The following PUS7L variants were observed in gnomAD, a reference collection of about 807,000 sequenced individuals.
The protein encoded by PUS7L is pseudouridylate synthase PUS7L.
Under a neutral mutation model 51.1 loss-of-function variants are expected in PUS7L, and 49 were observed. The observed-to-expected ratio is 0.96, with a 90% CI of 0.76 to 1.22. The LOEUF is 1.22. PUS7L is among the 50% of genes most tolerant of loss of function. The probability of loss-of-function intolerance (pLI) is 0.00; values close to 1 mark genes in which losing one functional copy is unlikely to be tolerated. For synonymous variants in PUS7L, 277 were observed against 276.2 expected, an observed-to-expected ratio of 1.00 and a Z score of -0.03; for missense variants, 828 against 820.6, an observed-to-expected ratio of 1.01 and a Z score of -0.11.
Position 43,721,773 on chromosome 12 carries a change from T to C in PUS7L, c.*8603A>G, listed in dbSNP as rs1944399916. On this transcript the variant is annotated 3_prime_UTR_variant, in exon 9 of 9. Coordinates refer to ENST00000344862, the MANE Select transcript of PUS7L (RefSeq NM_031292.5). ...GAATGGGAGGTTGAGGTGTATAACA[T>C]GGGAACATTTGCTATTAGGCTGAGC... 1.3e-5 allele frequency: 2 copies of C among 152,172 alleles called. No individual in the cohort carries two copies. 9.4% of individuals were successfully genotyped at this position (152,172 alleles called of 1,614,324 possible).
At position 43,721,745 on chromosome 12, in the gene PUS7L, T is replaced by C. The variant is rs1253804869; in HGVS notation, c.*8631A>G. 1 of 152,138 alleles carries C rather than the reference T, an allele frequency of 6.6e-6. No individual in the cohort carries two copies. The highest frequency in any genetic ancestry group is 2.4e-5 in the African/African-American group (1 of 41,444). 9.4% of individuals were successfully genotyped at this position (152,138 alleles called of 1,614,324 possible). Reference sequence around the variant, plus strand: ...ATATAAGCAGAGATGTTCCAGCCAATGGGAATGGGAGGTTGAGGTGTATAA... The same window carrying C: ...ATATAAGCAGAGATGTTCCAGCCAACGGGAATGGGAGGTTGAGGTGTATAA... On this transcript the variant is annotated 3_prime_UTR_variant, in exon 9 of 9. Transcript: ENST00000344862.
Position 43,746,220 on chromosome 12 carries a change from T to C in PUS7L, c.1089A>G (p.Lys363=), listed in dbSNP as rs770166693. ...VTPERLKNIE[K]EIEKKRMNVF... ...CATTCATTCTTTTCTTTTCAATTTC[T>C]TTTTCAATATTTTTCAACCTGTAAG... The change falls in exon 4 of 9, where the codon AAA becomes AAG. Residue 363 remains lysine (K), a synonymous_variant. Transcript: ENST00000344862. 5.5e-6 allele frequency: 7 copies of C among 1,279,882 alleles called. No homozygotes were observed. The East Asian group carries it at 9.8e-5, about 18-fold the overall frequency. 79.3% of individuals were successfully genotyped at this position (1,279,882 alleles called of 1,614,324 possible). A position where few individuals can be genotyped will look rare whatever the true frequency, so the allele number is the denominator to read the frequency against.
chr12:43,727,525 C>G lies in PUS7L; in HGVS notation c.*2851G>C, dbSNP rs1024780272. The G allele has an allele frequency of 6.6e-6, 1 of 152,136 alleles. No individual in the cohort carries two copies. The highest frequency in any genetic ancestry group is 2.4e-5 in the African/African-American group (1 of 41,430). 9.4% of individuals were successfully genotyped at this position (152,136 alleles called of 1,614,324 possible). A position where few individuals can be genotyped will look rare whatever the true frequency, so the allele number is the denominator to read the frequency against. Reference sequence around the variant, plus strand: ...GTCATAAAAAAGAACAAAATAATGTCTTTCCAGCAACATGGATGTAGCTGG... The same window carrying G: ...GTCATAAAAAAGAACAAAATAATGTGTTTCCAGCAACATGGATGTAGCTGG... On this transcript the variant is annotated 3_prime_UTR_variant, in exon 9 of 9. Coordinates refer to ENST00000344862, the MANE Select transcript of PUS7L (RefSeq NM_031292.5).
rs1944479304 is a variant in PUS7L, at chr12:43,728,110, C to G, written c.*2266G>C. 1 of 150,922 alleles carries G rather than the reference C, an allele frequency of 6.6e-6. No homozygotes were observed. The highest frequency in any genetic ancestry group is 2.1e-4 in the South Asian group (1 of 4,808). 9.3% of individuals were successfully genotyped at this position (150,922 alleles called of 1,614,324 possible). A position where few individuals can be genotyped will look rare whatever the true frequency, so the allele number is the denominator to read the frequency against. On this transcript the variant is annotated 3_prime_UTR_variant, in exon 9 of 9. Coordinates refer to ENST00000344862, the MANE Select transcript of PUS7L (RefSeq NM_031292.5). ...CTTATGAAGGTCTGAAATGCCCCAG[C>G]AAAACTGCAAAAACCTAAGTGACTA...
rs530608975 is a variant in PUS7L at position 43,720,292 on chromosome 12, T to G, written c.*10084A>C. On this transcript the variant is annotated 3_prime_UTR_variant, in exon 9 of 9. Transcript: ENST00000344862. ...TGAGGTCAGGAGTTTGAGACCAGCA[T>G]GGCCAACATGGTGAAATCCCATCTC... is the stretch of plus-strand genomic sequence containing the variant. 6.6e-6 allele frequency: 1 copy of G among 152,360 alleles called. No individual in the cohort carries two copies. The highest frequency in any genetic ancestry group is 2.4e-5 in the African/African-American group (1 of 41,584). The allele number at this position is 152,360 out of a possible 1,614,324, so 9.4% of individuals were successfully genotyped here. A position where few individuals can be genotyped will look rare whatever the true frequency, so the allele number is the denominator to read the frequency against.
At chr12:43,750,725 GA>G (rs1938401312) in intron 2 of PUS7L, among the ~76,000 whole-genome samples, 1 of 152,062 alleles carries the variant, frequency 6.6e-6, no homozygotes. Flanking sequence ...TAATCTAAAA[GA>G]AAAGAAAAAC....
rs1261584214 is a variant in PUS7L at position 43,727,882 on chromosome 12, G to A, written c.*2494C>T. On this transcript the variant is annotated 3_prime_UTR_variant, in exon 9 of 9. Transcript: ENST00000344862. ...AAATAAAGCAAAACTTTGGAAATGG[G>A]GCTATAGAAGGTCAGCAAAGGGTAG... 1.3e-5 allele frequency: 2 copies of A among 152,092 alleles called. No homozygotes were observed. The highest frequency in any genetic ancestry group is 2.1e-4 in the South Asian group (1 of 4,822). 9.4% of individuals were successfully genotyped at this position (152,092 alleles called of 1,614,324 possible). A position where few individuals can be genotyped will look rare whatever the true frequency, so the allele number is the denominator to read the frequency against.
chr12:43,730,398 T>C lies in PUS7L; in HGVS notation c.2084A>G (p.Glu695Gly). ...ASCYATVCLKEIMKHDV is the reference protein window; with the variant it reads ...ASCYATVCLKGIMKHDV ...GTTTTAAACGTCATGCTTCATTATT[T>C]CCTTCAGACAAACGGTAGCATAGCA... The change falls in exon 9 of 9, where the codon GAA becomes GGA. Residue 695 changes from glutamate (E) to glycine (G), a missense_variant. Coordinates refer to ENST00000344862, the MANE Select transcript of PUS7L (RefSeq NM_031292.5). The C allele has an allele frequency of 6.2e-7, 1 of 1,613,478 alleles. No homozygotes were observed. The highest frequency in any genetic ancestry group is 8.5e-7 in the Non-Finnish European group (1 of 1,179,602).
intron 2 of PUS7L, among the ~76,000 whole-genome samples, chr12:43,751,264 T>A (rs973799664): frequency 3.3e-5 from 5 of 151,950 alleles, no homozygotes; most frequent in African/African-American, 1.2e-4. Flanking sequence ...TTGTTACATA[T>A]GTATACATGT....
chr12:43,743,915 A>G (rs1938037551), intron 4 of PUS7L, among the ~76,000 whole-genome samples: 1 of 152,248 alleles, frequency 6.6e-6, no homozygotes, highest in African/African-American at 2.4e-5. Context: ...GTACTTAGAT[A>G]TAACAAAAGG....
At position 43,738,348 on chromosome 12, in the gene PUS7L, T is replaced by C. The variant is rs1165016087; in HGVS notation, c.1406A>G (p.Asp469Gly). Residue 469 changes from aspartate (D) to glycine (G), a missense_variant, in exon 6 of 9, where the codon GAT (aspartate) becomes GGT (glycine). By Grantham distance (94) the Asp-to-Gly change is moderately conservative (BLOSUM62 -1). Coordinates refer to ENST00000344862, the MANE Select transcript of PUS7L (RefSeq NM_031292.5). ...KLFLTPEDLD[D>G]PVNRAKKYFL... ...ATACTTCTTTGCTCTATTTACAGGA[T>C]CATCCAAGTCTTCTGGTGTAAGAAA... is the stretch of plus-strand genomic sequence containing the variant. 3 of 1,597,718 alleles carry C rather than the reference T, an allele frequency of 1.9e-6. No individual in the cohort carries two copies. Among genetic ancestry groups the C allele is most frequent in the Non-Finnish European group, 2.6e-6 (3 of 1,165,898 alleles).
intron 4 of PUS7L, among the ~76,000 whole-genome samples, chr12:43,744,612 A>G (rs1938078069): frequency 6.6e-6 from 1 of 152,234 alleles, no homozygotes; most frequent in African/African-American, 2.4e-5. Context: ...CAAAACATAT[A>G]AAGAGTATAT....
intron 4 of PUS7L, among the ~76,000 whole-genome samples, chr12:43,744,745 T>C (rs1314839634): frequency 1.3e-5 from 2 of 152,174 alleles, no homozygotes; most frequent in African/African-American, 4.8e-5. Flanking sequence ...GTTGGACAGG[T>C]ATAAAATTGT....
chr12:43,720,538 C>G lies in PUS7L; in HGVS notation c.*9838G>C, dbSNP rs541092829. ...TGATATATAGAGATTTTCCTGTTAT[C>G]TTTTTGTTGTTCATTTCTAGCCTAA... On this transcript the variant is annotated 3_prime_UTR_variant, in exon 9 of 9. Coordinates refer to ENST00000344862, the MANE Select transcript of PUS7L (RefSeq NM_031292.5). The G allele has an allele frequency of 6.6e-6, 1 of 152,138 alleles. No individual in the cohort carries two copies. The highest frequency in any genetic ancestry group is 2.4e-5 in the African/African-American group (1 of 41,432). 9.4% of individuals were successfully genotyped at this position (152,138 alleles called of 1,614,324 possible).
rs1944380129 is a variant in PUS7L, at chr12:43,720,108, G to C, written c.*10268C>G. 6.6e-6 allele frequency: 1 copy of C among 152,096 alleles called. No homozygotes were observed. Among genetic ancestry groups the C allele is most frequent in the Non-Finnish European group, 1.5e-5 (1 of 68,036 alleles). 9.4% of individuals were successfully genotyped at this position (152,096 alleles called of 1,614,324 possible). ...AATCTCCCTCTACATGCTGCTTTAA[G>C]TGCATCCCACAAGTTTTGATGTGTA... On this transcript the variant is annotated 3_prime_UTR_variant, in exon 9 of 9. Transcript: ENST00000344862.
chr12:43,747,812 G>A (rs141946677), intron 3 of PUS7L, among the ~76,000 whole-genome samples: 9,351 of 152,190 alleles, frequency 0.061, 294 homozygotes, highest in Middle Eastern at 0.14. Context: ...TTTTTGAGAC[G>A]GAGTCTCGCT....
In PUS7L at chr12:43,753,138, A is replaced by G. The variant is rs188137917; in HGVS notation, c.910+1198T>C. Among the ~76,000 whole-genome samples, 49 of 152,300 alleles carry G rather than the reference A, an allele frequency of 3.2e-4. No homozygotes were observed. The East Asian group carries it at 8.7e-3, about 27-fold the overall frequency. ...TCCTCTTTCTACAAGTAAAGCTAGT[A>G]TTGTTTTTCCTTCAAAATGGATATA... On this transcript the variant is annotated intron_variant, in intron 2 of 8. Coordinates refer to ENST00000344862, the MANE Select transcript of PUS7L (RefSeq NM_031292.5).
intron 1 of PUS7L, chr12:43,758,360 T>C: frequency 1.0e-6 from 1 of 985,566 alleles, no homozygotes; most frequent in Non-Finnish European, 1.2e-6. Flanking sequence ...AGACTGCTGC[T>C]GACAGTGGGC....
intron 5 of PUS7L, chr12:43,739,396 T>TA (rs1460983879): frequency 2.6e-5 from 4 of 152,236 alleles, no homozygotes; most frequent in Non-Finnish European, 5.9e-5. Flanking sequence ...TTAAATGAAT[T>TA]AAAGTTATGT....
Sources: allele counts gnomAD v4.1 joint callset (sites outside exome capture counted in the v4.1 genomes callset), GRCh38; gene constraint gnomAD v4.1.1; transcripts MANE v1.5; gene names NCBI Gene and HGNC (gene_info 2026-07-23, HGNC 2026-07-21).